Variants in SLC5A7 observed in about 807,000 individuals in gnomAD.
SLC5A7 encodes solute carrier family 5 member 7.
In SLC5A7, 19 loss-of-function variants were observed where a neutral mutation model predicts 55.4. That is an observed-to-expected ratio of 0.34 (90% CI 0.24 to 0.50). The LOEUF is 0.50. SLC5A7 is among the 20% of genes least tolerant of loss of function. The pLI is 0.98. For missense variants in SLC5A7, 506 were observed against 705.3 expected, an observed-to-expected ratio of 0.72 and a Z score of 3.20; for synonymous variants, 265 against 263.7, an observed-to-expected ratio of 1.00 and a Z score of -0.05.
rs1185345466 is a variant in SLC5A7 at position 108,010,775 on chromosome 2, C to G, written c.1657C>G (p.Leu553Val). ...TGTGAAGCCACGACAGAGCATGACCCTCAGCTCAACTTTCACCAATAAAGA... is the reference window on the plus strand; with the variant it reads ...TGTGAAGCCACGACAGAGCATGACCGTCAGCTCAACTTTCACCAATAAAGA... ...ALVKPRQSMT[L>V]SSTFTNKEAF... The change falls in exon 9 of 9, where the codon CTC (leucine) becomes GTC (valine). Residue 553 changes from leucine to valine, a missense_variant. Around this residue, in one of 4 missense-constraint regions of SLC5A7, gnomAD observed 137 missense variants for 143.6 expected, o/e 0.95. Coordinates refer to ENST00000264047, the MANE Select transcript of SLC5A7 (RefSeq NM_021815.5). The G allele has an allele frequency of 1.2e-6, 2 of 1,613,506 alleles. No individual in the cohort carries two copies. The highest frequency in any genetic ancestry group is 2.2e-5 in the South Asian group (2 of 91,042).
At chr2:107,988,014 G>GGA (rs577432159) in intron 1 of SLC5A7, 91 bp from the exon 2 acceptor site, 328 of 735,162 alleles carry the variant, frequency 4.5e-4, no homozygotes, top group Non-Finnish European at 5.7e-4. Context: ...GAGTGGCACA[G>GGA]GATCTCGCAT....
intron 5 of SLC5A7, 91 bp from the exon 6 acceptor site, chr2:108,001,806 G>A (rs1573606730): frequency 7.3e-7 from 1 of 1,374,824 alleles, no homozygotes; most frequent in South Asian, 1.4e-5. Context: ...AGGAACTACT[G>A]AGCTGTGCAG....
chr2:108,003,314 T>C (rs1677985458), intron 6 of SLC5A7, among the ~76,000 whole-genome samples: 1 of 152,222 alleles, frequency 6.6e-6, no homozygotes, highest in Admixed American at 6.5e-5. Flanking sequence ...TGATATAGAA[T>C]ATTAAGACCT....
intron 4 of SLC5A7, among the ~76,000 whole-genome samples, chr2:107,993,498 GT>G (rs767770701): frequency 1.5e-4 from 23 of 152,166 alleles, no homozygotes; most frequent in Non-Finnish European, 2.9e-4. Context: ...TGAACCAGGG[GT>G]TAGTGAGAAT....
intron 1 of SLC5A7, among the ~76,000 whole-genome samples, chr2:107,987,679 C>T (rs765150352): frequency 6.6e-6 from 1 of 152,092 alleles, no homozygotes; most frequent in South Asian, 2.1e-4. Context: ...TCAGAATGGT[C>T]ATTTATGAAA....
chr2:107,992,268 A>G, intron 3 of SLC5A7, 49 bp downstream of exon 3: 2 of 1,081,984 alleles, frequency 1.8e-6, no homozygotes, highest in Non-Finnish European at 2.8e-6. Flanking sequence ...AGTATACAGA[A>G]CAAGAGTATA....
chr2:107,992,197 A>T lies in SLC5A7; in HGVS notation c.270A>T (p.Gly90=). 1 of 1,612,672 alleles carries T rather than the reference A, an allele frequency of 6.2e-7. No individual in the cohort carries two copies. Among genetic ancestry groups the T allele is most frequent in the Non-Finnish European group, 8.5e-7 (1 of 1,178,754 alleles). The change falls in exon 3 of 9, where the codon GGA becomes GGT. Residue 90 remains glycine (G), a synonymous_variant. Transcript: ENST00000264047. ...TAGCTTGGGCTCAGGCACCAATTGG[A>T]TATTCTCTTAGTCTGATTTTAGGTA... ...YGLAWAQAPI[G]YSLSLILGGL...
At chr2:108,008,365 G>T in intron 7 of SLC5A7, 100 bp from the exon 8 acceptor site, 1 of 819,586 alleles carries the variant, frequency 1.2e-6, no homozygotes, top group South Asian at 1.8e-5. Flanking sequence ...ATATGATTCT[G>T]AGTTTATTTC....
chr2:107,996,283 G>A (rs927234053), intron 4 of SLC5A7, among the ~76,000 whole-genome samples: 9 of 152,178 alleles, frequency 5.9e-5, no homozygotes, highest in African/African-American at 2.2e-4. Flanking sequence ...GTTATCTGAA[G>A]TCACTCATCT....
intron 7 of SLC5A7, among the ~76,000 whole-genome samples, chr2:108,007,395 A>G (rs1276259429): frequency 1.4e-5 from 2 of 145,768 alleles, no homozygotes; most frequent in South Asian, 2.3e-4. Flanking sequence ...ATGACTGACG[A>G]AGGTGGTATG....
At chr2:107,992,886 C>G (rs1185850456) in intron 3 of SLC5A7, 86 bp from the exon 4 acceptor site, 2 of 1,463,904 alleles carry the variant, frequency 1.4e-6, no homozygotes, top group Non-Finnish European at 1.9e-6. Flanking sequence ...CTGGAAAATG[C>G]ATTTTCCTTG....
chr2:108,001,401 C>T (rs563070223), intron 5 of SLC5A7, among the ~76,000 whole-genome samples: 3 of 152,162 alleles, frequency 2.0e-5, no homozygotes, highest in African/African-American at 7.2e-5. Flanking sequence ...TGGCCGGGCG[C>T]GGTGGCTCAC....
intron 6 of SLC5A7, among the ~76,000 whole-genome samples, chr2:108,003,097 G>T (rs1677978041): frequency 6.6e-6 from 1 of 152,130 alleles, no homozygotes; most frequent in Non-Finnish European, 1.5e-5. Flanking sequence ...GGACTGGAGG[G>T]CTTCTTTGCC....
rs1328411564 is a variant in SLC5A7, at chr2:108,013,067, GTC to G, written c.*2214_*2215del. ...ACAGGGAGGCATAGTCTCTCTACAG[GTC>G]TCTCTCTTTACGTTGTACCATTCTG... On this transcript the variant is annotated 3_prime_UTR_variant, in exon 9 of 9. Transcript: ENST00000264047. 2 of 151,928 alleles carry G rather than the reference GTC, an allele frequency of 1.3e-5. No individual in the cohort carries two copies. The highest frequency in any genetic ancestry group is 4.8e-5 in the African/African-American group (2 of 41,372). The allele number at this position is 151,928 out of a possible 1,614,324, so 9.4% of individuals were successfully genotyped here.
chr2:107,997,974 T>C lies in SLC5A7; in HGVS notation c.585T>C (p.Ile195=). ...AYTDVVQLFC[I]FVGLWISVPF... is the part of the protein sequence containing the mutation. ...CTGATGTCGTTCAGCTCTTTTGCAT[T>C]TTTGTAGGGCTGGTAAGTGGGAGCA... Residue 195 remains isoleucine, a synonymous_variant, in exon 5 of 9, where the codon ATT becomes ATC. Coordinates refer to ENST00000264047, the MANE Select transcript of SLC5A7 (RefSeq NM_021815.5). 2.5e-6 allele frequency: 4 copies of C among 1,612,448 alleles called. No homozygotes were observed. Among genetic ancestry groups the C allele is most frequent in the African/African-American group, 2.7e-5 (2 of 74,994 alleles).
intron 5 of SLC5A7, among the ~76,000 whole-genome samples, chr2:108,001,203 T>G (rs1478488031): frequency 6.8e-6 from 1 of 147,918 alleles, no homozygotes; most frequent in African/African-American, 2.6e-5. Context: ...ACGTATCTAT[T>G]TATGTATGTG....
chr2:107,989,098 CT>C (rs1677350242), intron 2 of SLC5A7, among the ~76,000 whole-genome samples: 3 of 152,258 alleles, frequency 2.0e-5, no homozygotes, highest in African/African-American at 7.2e-5. Flanking sequence ...TGATTTGTTT[CT>C]TTTTTATATT....
Position 108,010,545 on chromosome 2 carries a change from A to G in SLC5A7, c.1427A>G (p.Lys476Arg). The G allele has an allele frequency of 3.7e-6, 6 of 1,613,700 alleles. No homozygotes were observed. Among genetic ancestry groups the G allele is most frequent in the Non-Finnish European group, 5.1e-6 (6 of 1,179,828 alleles). The change falls in exon 9 of 9, where the codon AAA (lysine) becomes AGA (arginine). Residue 476 changes from lysine to arginine, a missense_variant. Coordinates refer to ENST00000264047, the MANE Select transcript of SLC5A7 (RefSeq NM_021815.5). ...YPDDNGIYNQ[K>R]FPFKTLAMVT... ...GATGATAATGGTATATATAATCAGA[A>G]ATTTCCATTTAAAACACTTGCCATG...
At chr2:108,000,926 T>TA in intron 5 of SLC5A7, among the ~76,000 whole-genome samples, 1 of 126,910 alleles carries the variant, frequency 7.9e-6, no homozygotes, top group African/African-American at 3.2e-5. Flanking sequence ...AATACAATTC[T>TA]TTTTTTTTTT....
Sources: gnomAD v4.1 joint callset for allele counts (sites outside exome capture counted in the v4.1 genomes callset) on GRCh38, gnomAD v4.1.1 for gene constraint, gnomAD v4.1.1 regional missense constraint, MANE v1.5 for transcripts, NCBI Gene and HGNC (gene_info 2026-07-23, HGNC 2026-07-21) for gene names.